The following DENND1B variants were observed in gnomAD, a reference collection of about 807,000 sequenced individuals.
DENND1B encodes the protein DENN domain-containing protein 1B.
A neutral mutation model predicts 90.1 loss-of-function variants in DENND1B; 59 were observed. The observed-to-expected ratio is 0.65, with a 90% CI of 0.53 to 0.81. The LOEUF is 0.81. Ranked by LOEUF, DENND1B falls within the 40% of genes least tolerant of loss-of-function variation. The probability of loss-of-function intolerance (pLI) is 0.00; values close to 1 mark genes in which losing one functional copy is unlikely to be tolerated. For synonymous variants in DENND1B, 337 were observed against 324.6 expected (o/e 1.04, Z -0.41); for missense variants, 862 against 912.6 (o/e 0.94, Z 0.71).
intron 14 of DENND1B, among the ~76,000 whole-genome samples, chr1:197,589,924 T>TTC (rs1440737884): frequency 9.8e-5 from 15 of 152,324 alleles, no homozygotes; most frequent in African/African-American, 3.6e-4. Context: ...TGTCTTTGAA[T>TTC]ATACTAAACA....
chr1:197,630,483 C>T (rs2125895463), intron 10 of DENND1B, among the ~76,000 whole-genome samples: 1 of 152,218 alleles, frequency 6.6e-6, no homozygotes, highest in East Asian at 1.9e-4. Context: ...TGCCCTAACT[C>T]TTAATACTAT....
At chr1:197,743,175 G>T (rs1000200626) in intron 2 of DENND1B, among the ~76,000 whole-genome samples, 26 of 152,126 alleles carry the variant, frequency 1.7e-4, no homozygotes, top group African/African-American at 6.3e-4. Flanking sequence ...TTAGAAAACA[G>T]TCTCCATCCC....
chr1:197,735,707 C>T, intron 2 of DENND1B: 1 of 1,613,846 alleles, frequency 6.2e-7, no homozygotes, highest in Non-Finnish European at 8.5e-7. Context: ...ACGCCAGGAC[C>T]GACAGGAAAG....
intron 4 of DENND1B, 71 bp downstream of exon 4, chr1:197,674,049 A>C: frequency 9.4e-7 from 1 of 1,068,216 alleles, no homozygotes; most frequent in Non-Finnish European, 1.4e-6. Context: ...TTTATAAAAA[A>C]GCACATGTAA....
intron 20 of DENND1B, among the ~76,000 whole-genome samples, chr1:197,513,327 G>A (rs901082338): frequency 6.6e-6 from 1 of 151,474 alleles, no homozygotes; most frequent in Non-Finnish European, 1.5e-5. Context: ...TGCCAATTTT[G>A]TTTCTTTTAT....
At chr1:197,677,261 T>C (rs552061413) in intron 3 of DENND1B, among the ~76,000 whole-genome samples, 1 of 152,274 alleles carries the variant, frequency 6.6e-6, no homozygotes, top group African/African-American at 2.4e-5. Context: ...ATCTCATCTA[T>C]ACCCACAGTT....
chr1:197,559,798 G>C (rs996191675), intron 15 of DENND1B, among the ~76,000 whole-genome samples: 15 of 151,898 alleles, frequency 9.9e-5, no homozygotes, highest in African/African-American at 3.6e-4. Context: ...CTACACTGAA[G>C]TGTTACAATA....
intron 9 of DENND1B, among the ~76,000 whole-genome samples, chr1:197,644,188 C>T (rs1266619624): frequency 1.3e-5 from 2 of 152,114 alleles, no homozygotes; most frequent in Non-Finnish European, 2.9e-5. Context: ...AGTATATTTC[C>T]TATAATCTAA....
chr1:197,731,748 T>C (rs558511298), intron 2 of DENND1B, among the ~76,000 whole-genome samples: 56 of 152,188 alleles, frequency 3.7e-4, no homozygotes, highest in Non-Finnish European at 5.9e-4. Context: ...AGAAAGTTTA[T>C]GAATTTTTTG....
intron 14 of DENND1B, among the ~76,000 whole-genome samples, chr1:197,586,670 C>T (rs1236695448): frequency 6.6e-6 from 1 of 152,128 alleles, no homozygotes; most frequent in Non-Finnish European, 1.5e-5. Context: ...CTGTAGTATT[C>T]CTACTGGAGC....
chr1:197,735,681 G>A (rs1249578763), intron 2 of DENND1B: 15 of 1,614,058 alleles, frequency 9.3e-6, no homozygotes, highest in Non-Finnish European at 1.3e-5. Flanking sequence ...GGTCTACCCC[G>A]GACACGGGAG....
chr1:197,626,905 C>T (rs12036662), intron 10 of DENND1B, among the ~76,000 whole-genome samples: 24,423 of 151,976 alleles, frequency 0.16, 2,238 homozygotes, highest in Non-Finnish European at 0.2. Context: ...AACACCTCTA[C>T]GCAAATAAAC....
chr1:197,518,057 C>A (rs971926489), intron 20 of DENND1B, among the ~76,000 whole-genome samples: 2 of 151,812 alleles, frequency 1.3e-5, no homozygotes, highest in African/African-American at 4.8e-5. Flanking sequence ...GTACAGTAGG[C>A]TTTTGAGGGC....
chr1:197,536,726 T>C (rs1669933480), intron 20 of DENND1B, among the ~76,000 whole-genome samples: 1 of 152,128 alleles, frequency 6.6e-6, no homozygotes, highest in African/African-American at 2.4e-5. Context: ...ATATGAACTC[T>C]TAAAAATTTT....
chr1:197,506,009 A>G lies in DENND1B; in HGVS notation c.*4451T>C, dbSNP rs1046887717. 6 of 151,622 alleles carry G rather than the reference A, an allele frequency of 4.0e-5. No individual in the cohort carries two copies. The highest frequency in any genetic ancestry group is 7.4e-5 in the Non-Finnish European group (5 of 67,678). 9.4% of individuals were successfully genotyped at this position (151,622 alleles called of 1,614,324 possible). A position where few individuals can be genotyped will look rare whatever the true frequency, so the allele number is the denominator to read the frequency against. ...GTTATGATACAACAACACAATATCCATAATAATTTTAAATAAACAAAAACA... is the reference window on the plus strand; with the variant it reads ...GTTATGATACAACAACACAATATCCGTAATAATTTTAAATAAACAAAAACA... On this transcript the variant is annotated 3_prime_UTR_variant, in exon 23 of 23. Transcript: ENST00000620048.
In DENND1B at chr1:197,554,244, G is replaced by A. The variant is rs78814438; in HGVS notation, c.1150-1132C>T. On this transcript the variant is annotated intron_variant, in intron 15 of 22. Transcript: ENST00000620048. The stretch of plus-strand genomic sequence containing the variant: ...TTTACTCCATCCATAATTATGATGA[G>A]GTATCTTTAAGTCTTCCTTGCTTAA... Among the ~76,000 whole-genome samples, 897 of 151,864 alleles carry A rather than the reference G, an allele frequency of 5.9e-3. 13 individuals are homozygous for A. Among genetic ancestry groups the A allele is most frequent in the African/African-American group, 0.02 (840 of 41,416 alleles).
chr1:197,662,630 T>C (rs1265724253), intron 5 of DENND1B, among the ~76,000 whole-genome samples: 1 of 151,990 alleles, frequency 6.6e-6, no homozygotes, highest in Non-Finnish European at 1.5e-5. Flanking sequence ...TTGTTACATG[T>C]GTGTGTATAC....
intron 3 of DENND1B, among the ~76,000 whole-genome samples, chr1:197,709,841 G>A (rs925702283): frequency 1.1e-4 from 15 of 141,348 alleles, no homozygotes; most frequent in Non-Finnish European, 1.8e-4. Context: ...CCCATCTCAC[G>A]TGCAGAGACA....
intron 10 of DENND1B, among the ~76,000 whole-genome samples, chr1:197,640,970 AT>A (rs2125915925): frequency 6.6e-6 from 1 of 152,270 alleles, no homozygotes; most frequent in Non-Finnish European, 1.5e-5. Flanking sequence ...ATACTACCTC[AT>A]TGGAGAGGCC....
Sources: gnomAD v4.1 joint callset for allele counts (sites outside exome capture counted in the v4.1 genomes callset) on GRCh38, gnomAD v4.1.1 for gene constraint, MANE v1.5 for transcripts, NCBI Gene and HGNC (gene_info 2026-07-23, HGNC 2026-07-21) for gene names.